LRRC7: variants seen among roughly 807,000 people sequenced by gnomAD.
LRRC7 encodes leucine rich repeat containing 7, also known as leucine-rich repeat-containing protein 7.
A neutral mutation model predicts 175.7 loss-of-function variants in LRRC7; 23 were observed. That is an observed-to-expected ratio of 0.13 (90% CI 0.09 to 0.19). LRRC7 has a LOEUF of 0.19. Among genes scored for constraint, LRRC7 ranks in the 10% least tolerant of loss-of-function variants. LRRC7 has a pLI of 1.00. For missense variants in LRRC7, 1,354 were observed against 1,904.7 expected (o/e 0.71, Z 5.38); for synonymous variants, 685 against 680.9 (o/e 1.01, Z -0.09).
intron 26 of LRRC7, among the ~76,000 whole-genome samples, chr1:70,113,088 G>A (rs997842575): frequency 6.6e-6 from 1 of 152,114 alleles, no homozygotes; most frequent in Non-Finnish European, 1.5e-5. Flanking sequence ...GCTCAGAATG[G>A]GAGAGGTAAG....
chr1:69,613,428 T>A (rs1649119567), intron 1 of LRRC7, among the ~76,000 whole-genome samples: 1 of 151,976 alleles, frequency 6.6e-6, no homozygotes, highest in African/African-American at 2.4e-5. Context: ...TTTCAACATA[T>A]GAATTTATGG....
intron 8 of LRRC7, among the ~76,000 whole-genome samples, chr1:69,972,900 GT>G (rs141256692): frequency 0.061 from 9,027 of 147,048 alleles, 271 homozygotes; most frequent in South Asian, 0.11. Context: ...TAGGGAAACT[GT>G]TTATATATAA....
intron 1 of LRRC7, among the ~76,000 whole-genome samples, chr1:69,632,932 A>G (rs1652740083): frequency 6.6e-6 from 1 of 152,096 alleles, no homozygotes; most frequent in Admixed American, 6.6e-5. Context: ...ATTTCCAAAT[A>G]ATTGAAAGTT....
intron 8 of LRRC7, among the ~76,000 whole-genome samples, chr1:69,945,126 T>G (rs1250599507): frequency 6.6e-6 from 1 of 152,148 alleles, no homozygotes; most frequent in Non-Finnish European, 1.5e-5. Flanking sequence ...TCTAGAAGTT[T>G]TACAGTTTCG....
chr1:69,802,100 T>G (rs1676582422), intron 4 of LRRC7, among the ~76,000 whole-genome samples: 1 of 151,576 alleles, frequency 6.6e-6, no homozygotes, highest in South Asian at 2.1e-4. Flanking sequence ...TGATTTCACT[T>G]TTTTTAAATT....
At chr1:70,022,871 T>C (rs1319009989) in intron 16 of LRRC7, among the ~76,000 whole-genome samples, 2 of 152,184 alleles carry the variant, frequency 1.3e-5, no homozygotes, top group Admixed American at 6.5e-5. Context: ...AACTTTCAAA[T>C]GGACTAGAGT....
intron 25 of LRRC7, among the ~76,000 whole-genome samples, chr1:70,092,715 G>A (rs548196577): frequency 9.9e-5 from 15 of 152,162 alleles, no homozygotes; most frequent in Admixed American, 3.3e-4. Context: ...TATATTGTTC[G>A]GTCTGGCAGA....
At chr1:69,848,044 T>G (rs758952346) in intron 7 of LRRC7, among the ~76,000 whole-genome samples, 10 of 152,220 alleles carry the variant, frequency 6.6e-5, no homozygotes, top group Non-Finnish European at 1.5e-4. Context: ...CATTCCCTTT[T>G]TCTGTCTGAA....
intron 7 of LRRC7, chr1:69,873,363 C>T: frequency 2.0e-6 from 1 of 498,124 alleles, no homozygotes; most frequent in South Asian, 1.5e-5. Flanking sequence ...AACAAGTAAA[C>T]TTTCTACCTC....
chr1:69,781,962 AAG>A (rs1557721550), intron 3 of LRRC7, among the ~76,000 whole-genome samples: 1 of 151,800 alleles, frequency 6.6e-6, no homozygotes, highest in South Asian at 2.1e-4. Flanking sequence ...GAAAGAAAGA[AAG>A]AAAAAGAAAG....
intron 26 of LRRC7, among the ~76,000 whole-genome samples, chr1:70,110,975 C>A (rs1352849427): frequency 6.6e-6 from 1 of 152,032 alleles, no homozygotes; most frequent in Non-Finnish European, 1.5e-5. Flanking sequence ...CTTAAAAGAT[C>A]AGAATCTTGT....
intron 5 of LRRC7, among the ~76,000 whole-genome samples, chr1:69,832,234 T>C (rs766161241): frequency 6.6e-6 from 1 of 152,062 alleles, no homozygotes; most frequent in Non-Finnish European, 1.5e-5. Flanking sequence ...TCAAACACAA[T>C]GGGAGAGGGA....
intron 2 of LRRC7, among the ~76,000 whole-genome samples, chr1:69,687,539 G>GAAAA (rs1390011818): frequency 1.1e-5 from 1 of 90,382 alleles, no homozygotes; most frequent in Non-Finnish European, 2.5e-5. Flanking sequence ...AAAAAAAAAA[G>GAAAA]AAAAAAGAAA....
chr1:69,833,730 G>A (rs560298750), intron 5 of LRRC7, among the ~76,000 whole-genome samples: 43 of 151,994 alleles, frequency 2.8e-4, no homozygotes, highest in Admixed American at 4.6e-4. Flanking sequence ...CGTAGGATCC[G>A]AAATAAAATG....
intron 2 of LRRC7, among the ~76,000 whole-genome samples, chr1:69,750,708 T>G (rs1669768512): frequency 6.6e-6 from 1 of 152,168 alleles, no homozygotes; most frequent in African/African-American, 2.4e-5. Context: ...TATTGCTGCA[T>G]CCACTGAATG....
chr1:69,734,575 C>G (rs12565200), intron 2 of LRRC7, among the ~76,000 whole-genome samples: 104,976 of 151,600 alleles, frequency 0.69, 36,819 homozygotes, highest in East Asian at 0.92. Flanking sequence ...TGTTTAACCA[C>G]TTCTCTATGG....
intron 2 of LRRC7, among the ~76,000 whole-genome samples, chr1:69,692,083 G>A: frequency 6.6e-6 from 1 of 152,078 alleles, no homozygotes; most frequent in Non-Finnish European, 1.5e-5. Flanking sequence ...CTCTAGAAAT[G>A]GGCATACCTA....
chr1:69,905,944 A>G (rs562074687), intron 7 of LRRC7, among the ~76,000 whole-genome samples: 2 of 152,258 alleles, frequency 1.3e-5, no homozygotes, highest in East Asian at 1.9e-4. Flanking sequence ...TTTAATGATC[A>G]CCATCCTAAC....
chr1:69,586,336 TC>T (rs556988307), intron 1 of LRRC7, among the ~76,000 whole-genome samples: 14 of 152,122 alleles, frequency 9.2e-5, no homozygotes, highest in Non-Finnish European at 1.8e-4. Flanking sequence ...TTTTAGAAGA[TC>T]CCCAATAGTT....
Sources: allele counts gnomAD v4.1 joint callset (sites outside exome capture counted in the v4.1 genomes callset), GRCh38; gene constraint gnomAD v4.1.1; transcripts MANE v1.5; gene names NCBI Gene and HGNC (gene_info 2026-07-23, HGNC 2026-07-21).